The following TYR variants were observed in gnomAD, a reference collection of about 807,000 sequenced individuals.
TYR encodes LB24-AB.
Under a neutral mutation model 51.5 loss-of-function variants are expected in TYR, and 58 were observed. That is an observed-to-expected ratio of 1.13 (90% CI 0.91 to 1.40). The LOEUF (loss-of-function observed/expected upper bound fraction) is 1.40, where lower values mean the gene tolerates loss of function less well. Ranked by LOEUF, TYR falls within the 40% of genes most tolerant of loss-of-function variation. The pLI, the probability that TYR is intolerant of heterozygous loss-of-function variation, is 0.00. For synonymous variants in TYR, 263 were observed against 235.2 expected (o/e 1.12, Z -1.08); for missense variants, 732 against 647.4 (o/e 1.13, Z -1.42).
At chr11:89,191,845 G>A (rs1310780229) in intron 2 of TYR, among the ~76,000 whole-genome samples, 2 of 152,078 alleles carry the variant, frequency 1.3e-5, no homozygotes, top group Non-Finnish European at 2.9e-5. Flanking sequence ...AATAAATACA[G>A]GCAATAGGCA....
At chr11:89,230,774 A>G (rs569340108) in intron 3 of TYR, among the ~76,000 whole-genome samples, 1 of 152,208 alleles carries the variant, frequency 6.6e-6, no homozygotes, top group South Asian at 2.1e-4. Context: ...AGGTACATGA[A>G]AAGATGCTCA....
At chr11:89,184,417 TC>T (rs1014257277) in intron 1 of TYR, among the ~76,000 whole-genome samples, 1 of 152,150 alleles carries the variant, frequency 6.6e-6, no homozygotes, top group African/African-American at 2.4e-5. Context: ...CATATTACAT[TC>T]AATGTAAAAG....
At chr11:89,248,999 G>A (rs1368782038) in intron 3 of TYR, among the ~76,000 whole-genome samples, 3 of 152,064 alleles carry the variant, frequency 2.0e-5, no homozygotes, top group Non-Finnish European at 4.4e-5. Flanking sequence ...AGAGAGAAGA[G>A]TGGAGATGTT....
intron 3 of TYR, among the ~76,000 whole-genome samples, chr11:89,263,699 A>G (rs1944489559): frequency 6.6e-6 from 1 of 152,120 alleles, no homozygotes; most frequent in African/African-American, 2.4e-5. Flanking sequence ...AACATTAGCA[A>G]TAAACAAACT....
intron 2 of TYR, among the ~76,000 whole-genome samples, chr11:89,218,646 A>G (rs1026638795): frequency 1.3e-5 from 2 of 152,200 alleles, no homozygotes; most frequent in African/African-American, 4.8e-5. Context: ...ATTAATAACA[A>G]CAGTTAACAT....
At chr11:89,280,315 A>G (rs1944706613) in intron 3 of TYR, among the ~76,000 whole-genome samples, 2 of 151,608 alleles carry the variant, frequency 1.3e-5, no homozygotes, top group South Asian at 4.2e-4. Flanking sequence ...TTTTTTGGAA[A>G]TTATCCCATA....
intron 2 of TYR, among the ~76,000 whole-genome samples, chr11:89,225,961 A>G (rs546332310): frequency 6.6e-6 from 1 of 152,044 alleles, no homozygotes. Flanking sequence ...TATCACATGT[A>G]CCCCAAAGAT....
chr11:89,245,852 C>T (rs954498287), intron 3 of TYR, among the ~76,000 whole-genome samples: 5 of 151,332 alleles, frequency 3.3e-5, no homozygotes, highest in South Asian at 4.2e-4. Flanking sequence ...AACCTGGAGG[C>T]GGAGCTTGCA....
At chr11:89,200,052 A>G (rs990382489) in intron 2 of TYR, among the ~76,000 whole-genome samples, 1 of 152,126 alleles carries the variant, frequency 6.6e-6, no homozygotes, top group Non-Finnish European at 1.5e-5. Context: ...AAAATTTATA[A>G]CTCTATTTTA....
At chr11:89,242,254 C>G (rs1345496210) in intron 3 of TYR, among the ~76,000 whole-genome samples, 1 of 152,094 alleles carries the variant, frequency 6.6e-6, no homozygotes, top group African/African-American at 2.4e-5. Flanking sequence ...GTTGTCCAGG[C>G]TGGAGTGCAG....
At chr11:89,222,419 C>A (rs750873286) in intron 2 of TYR, among the ~76,000 whole-genome samples, 1 of 152,112 alleles carries the variant, frequency 6.6e-6, no homozygotes, top group African/African-American at 2.4e-5. Flanking sequence ...AAGAAAAGAG[C>A]AAAAGAGATC....
chr11:89,278,065 T>C (rs368550646), intron 3 of TYR, among the ~76,000 whole-genome samples: 1 of 151,732 alleles, frequency 6.6e-6, no homozygotes, highest in Admixed American at 6.6e-5. Context: ...TTGATCCCTA[T>C]AGACATATTG....
At chr11:89,179,197 T>C (rs887859096) in intron 1 of TYR, among the ~76,000 whole-genome samples, 4 of 152,184 alleles carry the variant, frequency 2.6e-5, no homozygotes, top group East Asian at 1.9e-4. Flanking sequence ...ATTCATATGG[T>C]GTACAAATTA....
In TYR at chr11:89,262,093, T is replaced by C. The variant is rs186472897; in HGVS notation, c.1185-22680T>C. Reference sequence around the variant, plus strand: ...TTTTTTTTGAGATGGAGTCTCACTCTTGTTGTCCAGGCTGGAGTGCAACGG... The same window carrying C: ...TTTTTTTTGAGATGGAGTCTCACTCCTGTTGTCCAGGCTGGAGTGCAACGG... On this transcript the variant is annotated intron_variant, in intron 3 of 4. Transcript: ENST00000263321. 8.7e-3 allele frequency among the ~76,000 whole-genome samples: 1,331 copies of C among 152,202 alleles called. 19 individuals are homozygous for C. Among genetic ancestry groups the C allele is most frequent in the African/African-American group, 0.031 (1,269 of 41,546 alleles).
At chr11:89,292,719 G>A (rs1944863969) in intron 4 of TYR, among the ~76,000 whole-genome samples, 1 of 152,080 alleles carries the variant, frequency 6.6e-6, no homozygotes, top group Admixed American at 6.5e-5. Flanking sequence ...AAAAGACTGA[G>A]TCTACCTGTA....
chr11:89,227,549 A>T (rs922867463), intron 2 of TYR, among the ~76,000 whole-genome samples: 6 of 152,178 alleles, frequency 3.9e-5, no homozygotes, highest in Non-Finnish European at 7.4e-5. Flanking sequence ...AATTATAGGC[A>T]GAATGAACAG....
chr11:89,196,676 T>C (rs1943523867), intron 2 of TYR, among the ~76,000 whole-genome samples: 1 of 152,188 alleles, frequency 6.6e-6, no homozygotes, highest in African/African-American at 2.4e-5. Flanking sequence ...TTCTAACAAA[T>C]GCAGTTTATG....
intron 3 of TYR, among the ~76,000 whole-genome samples, chr11:89,283,037 C>T (rs1191528919): frequency 1.3e-5 from 2 of 151,820 alleles, no homozygotes; most frequent in Non-Finnish European, 2.9e-5. Flanking sequence ...CAAACAGATA[C>T]AATTTTACAA....
At chr11:89,195,410 G>A (rs1312031528) in intron 2 of TYR, among the ~76,000 whole-genome samples, 1 of 152,142 alleles carries the variant, frequency 6.6e-6, no homozygotes, top group Non-Finnish European at 1.5e-5. Context: ...CGGGTGTGGT[G>A]GCTCACGCCT....
Sources: allele counts gnomAD v4.1 joint callset (sites outside exome capture counted in the v4.1 genomes callset), GRCh38; gene constraint gnomAD v4.1.1; transcripts MANE v1.5; gene names NCBI Gene and HGNC (gene_info 2026-07-23, HGNC 2026-07-21).